Variants in MIA2 observed in about 807,000 individuals in gnomAD.
The protein encoded by MIA2 is melanoma inhibitory activity protein 2.
MIA2 carries 127 observed loss-of-function variants against 167.8 expected under a neutral mutation model. The ratio of observed to expected loss-of-function variants is 0.76; its 90% CI spans 0.66 to 0.88. The LOEUF (loss-of-function observed/expected upper bound fraction) is 0.88. Ranked by LOEUF, MIA2 falls within the 40% of genes least tolerant of loss-of-function variation. MIA2 has a pLI of 0.00. For missense variants in MIA2, 1,690 were observed against 1,624.7 expected (o/e 1.04, Z -0.69); for synonymous variants, 552 against 541.9 (o/e 1.02, Z -0.26).
chr14:39,353,190 T>C (rs149216474), downstream of MIA2, among the ~76,000 whole-genome samples: 102 of 152,326 alleles, frequency 6.7e-4, no homozygotes, highest in Admixed American at 2.1e-3. Context: ...TCTGTACATA[T>C]GATTATCATT....
At chr14:39,364,091 G>A (rs2074762109) in intron 23 of MIA2, among the ~76,000 whole-genome samples, 1 of 152,160 alleles carries the variant, frequency 6.6e-6, no homozygotes, top group South Asian at 2.1e-4. Flanking sequence ...CGGGCACGGT[G>A]GCTTATGCCT....
chr14:39,336,949 T>A (rs1403865331), intron 25 of MIA2, among the ~76,000 whole-genome samples: 1 of 152,082 alleles, frequency 6.6e-6, no homozygotes, highest in Non-Finnish European at 1.5e-5. Flanking sequence ...GGAGACAGGT[T>A]TTTGCTGTGT....
In MIA2 at chr14:39,326,955, T is replaced by C. The variant is rs764842933; in HGVS notation, c.3588T>C (p.Ala1196=). The C allele has an allele frequency of 1.9e-6, 3 of 1,588,294 alleles. No individual in the cohort carries two copies. The highest frequency in any genetic ancestry group is 1.2e-5 in the South Asian group (1 of 86,634). Residue 1196 remains alanine (A), a synonymous_variant, in exon 25 of 29, where the codon GCT becomes GCC. Coordinates refer to ENST00000640607, the MANE Select transcript of MIA2 (RefSeq NM_001329214.4). ...ATAGGTTAACCGATCCTCATAGGGC[T>C]CCCTCTGACACTGGGTCTCTGTCAC... ...SCDRLTDPHR[A]PSDTGSLSPP...
chr14:39,349,981 T>C (rs950629077), intron 28 of MIA2, 117 bp from the exon 29 acceptor site: 16 of 476,226 alleles, frequency 3.4e-5, no homozygotes, highest in Non-Finnish European at 5.8e-5. Context: ...AGTAATTATC[T>C]AGTGTCAATT....
At chr14:39,275,069 C>A (rs1415433703) in intron 6 of MIA2, among the ~76,000 whole-genome samples, 1 of 115,278 alleles carries the variant, frequency 8.7e-6, no homozygotes, top group Non-Finnish European at 1.8e-5. Flanking sequence ...AGTGAGACTC[C>A]GTCTCAAAAA....
chr14:39,360,498 TG>T (rs1555421036), intron 23 of MIA2, among the ~76,000 whole-genome samples: 1 of 152,098 alleles, frequency 6.6e-6, no homozygotes, highest in African/African-American at 2.4e-5. Context: ...TGTTGTCTTT[TG>T]TTCTTTTAAC....
At chr14:39,331,284 T>C (rs1440687873) in intron 25 of MIA2, among the ~76,000 whole-genome samples, 1 of 151,848 alleles carries the variant, frequency 6.6e-6, no homozygotes, top group Non-Finnish European at 1.5e-5. Flanking sequence ...ACAACCCTGC[T>C]TTTTTTTGCT....
intron 23 of MIA2, among the ~76,000 whole-genome samples, chr14:39,320,053 C>T (rs1017394747): frequency 2.0e-5 from 3 of 151,830 alleles, no homozygotes; most frequent in African/African-American, 4.8e-5. Context: ...TAGATTATTA[C>T]GAATTTCAGG....
chr14:39,297,575 T>A (rs191743262), intron 13 of MIA2, among the ~76,000 whole-genome samples: 163 of 152,218 alleles, frequency 1.1e-3, no homozygotes, highest in African/African-American at 3.8e-3. Context: ...AATACTTTTA[T>A]GTTTTCAGTA....
chr14:39,260,493 C>A (rs550406630), intron 6 of MIA2, among the ~76,000 whole-genome samples: 1 of 152,228 alleles, frequency 6.6e-6, no homozygotes, highest in Admixed American at 6.5e-5. Context: ...CTGTTGGCTG[C>A]ATAAATGTCT....
intron 23 of MIA2, among the ~76,000 whole-genome samples, chr14:39,369,686 A>G (rs8012223): frequency 0.052 from 7,846 of 152,026 alleles, 720 homozygotes; most frequent in African/African-American, 0.18. Context: ...TGTTTTTTTC[A>G]GTGGGGTCTC....
chr14:39,357,649 G>T lies in MIA2; in HGVS notation c.2248+8672G>T, dbSNP rs371632887. Among the ~76,000 whole-genome samples, 82 of 152,238 alleles carry T rather than the reference G, an allele frequency of 5.4e-4. 1 individual carries two copies. In the South Asian group the frequency reaches 0.017, roughly 31 times the overall value. ...GTTGATGCACTTTCTTCCTAGCCTCGATGGTCTTCACAATTTGGCATGTTT... is the reference window on the plus strand; with the variant it reads ...GTTGATGCACTTTCTTCCTAGCCTCTATGGTCTTCACAATTTGGCATGTTT... On this transcript the variant is annotated intron_variant, in intron 23 of 23. Coordinates refer to the MIA2 transcript ENST00000341502.
At chr14:39,352,389 T>G (rs1466161382), downstream of MIA2, among the ~76,000 whole-genome samples, 3 of 152,082 alleles carry the variant, frequency 2.0e-5, no homozygotes, top group Non-Finnish European at 2.9e-5. Flanking sequence ...GTCTTTGGTT[T>G]TGTTGGAGTT....
chr14:39,265,467 A>G (rs1379994498), intron 6 of MIA2: 3 of 1,490,304 alleles, frequency 2.0e-6, no homozygotes, highest in Non-Finnish European at 2.8e-6. Context: ...GAGGTTTGGA[A>G]TTTTGCACTA....
intron 22 of MIA2, among the ~76,000 whole-genome samples, chr14:39,318,901 A>C (rs1269785933): frequency 1.3e-5 from 2 of 152,128 alleles, no homozygotes; most frequent in Admixed American, 6.6e-5. Context: ...TTGACCTTGG[A>C]GGACTCTTGT....
chr14:39,305,591 C>T (rs2063205135), intron 17 of MIA2, among the ~76,000 whole-genome samples: 1 of 152,096 alleles, frequency 6.6e-6, no homozygotes. Flanking sequence ...TCTTCCTTTT[C>T]TGGTAATCAT....
rs1332496421 is a variant in MIA2 at position 39,308,547 on chromosome 14, A to C, written c.2977A>C (p.Met993Leu). The C allele has an allele frequency of 6.4e-7, 1 of 1,572,634 alleles. No individual in the cohort carries two copies. Among genetic ancestry groups the C allele is most frequent in the Admixed American group, 1.9e-5 (1 of 52,526 alleles). Residue 993 changes from methionine to leucine, a missense_variant, in exon 18 of 29, where the codon ATG becomes CTG. Coordinates refer to ENST00000640607, the MANE Select transcript of MIA2 (RefSeq NM_001329214.4). ...NQKLQQKLKV[M>L]TELYQENEMK... ...GAAGCTTCAACAGAAACTTAAAGTA[A>C]TGACTGAATTATATCAAGAAAATGA... is the stretch of plus-strand genomic sequence containing the variant.
At chr14:39,335,338 G>T (rs2070108865) in intron 25 of MIA2, among the ~76,000 whole-genome samples, 1 of 152,082 alleles carries the variant, frequency 6.6e-6, no homozygotes, top group South Asian at 2.1e-4. Flanking sequence ...CTGTCATTTA[G>T]TCTGTTAGGC....
chr14:39,304,941 A>G (rs1008110631), intron 17 of MIA2, among the ~76,000 whole-genome samples: 1 of 152,190 alleles, frequency 6.6e-6, no homozygotes, highest in African/African-American at 2.4e-5. Context: ...TAAAGTTGAG[A>G]TAAATAGCAT....
Sources: allele counts gnomAD v4.1 joint callset (sites outside exome capture counted in the v4.1 genomes callset), GRCh38; gene constraint gnomAD v4.1.1; transcripts MANE v1.5; gene names NCBI Gene and HGNC (gene_info 2026-07-23, HGNC 2026-07-21).